The following STXBP4 variants were observed in gnomAD, a reference collection of about 807,000 sequenced individuals.
STXBP4 encodes syntaxin-binding protein 4.
Under a neutral mutation model 76.1 loss-of-function variants are expected in STXBP4, and 55 were observed. The observed-to-expected ratio is 0.72, with a 90% CI of 0.58 to 0.91. The LOEUF (loss-of-function observed/expected upper bound fraction) is 0.91, where lower values mean the gene tolerates loss of function less well. STXBP4 is among the 40% of genes least tolerant of loss of function. The pLI is 0.00. For missense variants in STXBP4, 618 were observed against 636.9 expected, an observed-to-expected ratio of 0.97 and a Z score of 0.32; for synonymous variants, 201 against 220.2, an observed-to-expected ratio of 0.91 and a Z score of 0.77.
intron 16 of STXBP4, among the ~76,000 whole-genome samples, chr17:55,115,173 T>C (rs2079766926): frequency 6.6e-6 from 1 of 151,832 alleles, no homozygotes; most frequent in African/African-American, 2.4e-5. Flanking sequence ...AATGGCGAAT[T>C]GACATTAACT....
intron 16 of STXBP4, among the ~76,000 whole-genome samples, chr17:55,114,765 C>T (rs1173644868): frequency 1.3e-5 from 2 of 151,880 alleles, no homozygotes; most frequent in South Asian, 2.1e-4. Flanking sequence ...GAATACCTTC[C>T]CTCTTAGCTT....
At position 55,042,635 on chromosome 17, in the gene STXBP4, A is replaced by T. The variant is rs527697730; in HGVS notation, c.856-601A>T. On this transcript the variant is annotated intron_variant, in intron 10 of 17. Coordinates refer to ENST00000376352, the MANE Select transcript of STXBP4 (RefSeq NM_178509.6). ...ATTGTAATTGACGGTCAGAGACATC[A>T]TGCTAGATGTACGAGATATGGTCAT... Among the ~76,000 whole-genome samples the T allele has an allele frequency of 3.9e-4, 60 of 152,206 alleles. 1 individual carries two copies. Among genetic ancestry groups the T allele is most frequent in the African/African-American group, 1.4e-3 (59 of 41,572 alleles).
intron 12 of STXBP4, among the ~76,000 whole-genome samples, chr17:55,060,468 T>C (rs762348144): frequency 3.4e-4 from 52 of 152,144 alleles, no homozygotes; most frequent in Admixed American, 1.6e-3. Flanking sequence ...TGATATCCTT[T>C]TGAAGATCTT....
intron 16 of STXBP4, among the ~76,000 whole-genome samples, chr17:55,121,861 G>T (rs1190775689): frequency 1.3e-5 from 2 of 151,936 alleles, no homozygotes; most frequent in Non-Finnish European, 2.9e-5. Context: ...CCTTCAATAC[G>T]AATATGTTGC....
the STXBP4 span, among the ~76,000 whole-genome samples, chr17:55,204,013 C>T: frequency 6.6e-6 from 1 of 152,048 alleles, no homozygotes; most frequent in Non-Finnish European, 1.5e-5. Context: ...TGGAAAATCT[C>T]ATCCAATATC....
rs1259884895 is a variant in STXBP4 at position 55,036,436 on chromosome 17, G to A, written c.855+2177G>A. Among the ~76,000 whole-genome samples the A allele has an allele frequency of 3.3e-5, 5 of 151,032 alleles. No individual in the cohort carries two copies. In the South Asian group the frequency reaches 6.3e-4, roughly 19 times the overall value. ...CTTTTTGTTGCCATTAAAATTAATG[G>A]TATCTTTTAAAAATTTGTTTCATTT... On this transcript the variant is annotated intron_variant, in intron 10 of 17. Transcript: ENST00000376352.
At chr17:55,205,601 A>G in the STXBP4 span, among the ~76,000 whole-genome samples, 1 of 152,064 alleles carries the variant, frequency 6.6e-6, no homozygotes, top group Non-Finnish European at 1.5e-5. Context: ...ACAGGTGAAG[A>G]GACAATTTAC....
At chr17:55,201,615 G>A in the STXBP4 span, among the ~76,000 whole-genome samples, 1 of 152,140 alleles carries the variant, frequency 6.6e-6, no homozygotes, top group Non-Finnish European at 1.5e-5. Context: ...AGCATGCCTA[G>A]GAAATTTGAA....
At chr17:55,205,562 AAC>A in the STXBP4 span, among the ~76,000 whole-genome samples, 2 of 146,546 alleles carry the variant, frequency 1.4e-5, no homozygotes, top group African/African-American at 4.9e-5. Context: ...CACACACACA[AAC>A]ACACACACAC....
chr17:55,056,134 A>C (rs1004810037), intron 12 of STXBP4, among the ~76,000 whole-genome samples: 1 of 152,238 alleles, frequency 6.6e-6, no homozygotes, highest in Non-Finnish European at 1.5e-5. Flanking sequence ...ATATATTGCT[A>C]TATTTTCTAA....
intron 8 of STXBP4, among the ~76,000 whole-genome samples, chr17:55,022,643 G>T (rs1437903924): frequency 6.6e-6 from 1 of 152,190 alleles, no homozygotes; most frequent in Non-Finnish European, 1.5e-5. Flanking sequence ...GATAGTCACG[G>T]AAGAGCTGTC....
intron 8 of STXBP4, among the ~76,000 whole-genome samples, chr17:55,015,917 T>A (rs1301554461): frequency 6.6e-6 from 1 of 152,228 alleles, no homozygotes; most frequent in East Asian, 1.9e-4. Context: ...AGCTGTAAGA[T>A]GGTGTTATAA....
chr17:55,018,126 A>G (rs1485180303), intron 8 of STXBP4, among the ~76,000 whole-genome samples: 1 of 152,076 alleles, frequency 6.6e-6, no homozygotes, highest in Non-Finnish European at 1.5e-5. Flanking sequence ...ATCTTGAGCC[A>G]TGTGGTGAGT....
At chr17:55,047,229 G>A (rs926510873) in intron 12 of STXBP4, 75 bp downstream of exon 12, 3 of 813,472 alleles carry the variant, frequency 3.7e-6, no homozygotes, top group South Asian at 2.0e-5. Context: ...AACATATGAG[G>A]TATAATTATA....
intron 17 of STXBP4, among the ~76,000 whole-genome samples, chr17:55,155,386 G>A (rs78749624): frequency 0.02 from 3,111 of 151,996 alleles, 77 homozygotes; most frequent in East Asian, 0.15. Context: ...TGCAGTTTAT[G>A]CCCAGTTGTA....
rs563410294 is a variant in STXBP4 at position 55,023,623 on chromosome 17, A to T, written c.667-7545A>T. ...CGGATTTTTGGATTAGAGATGCTAA[A>T]CCTGTATATAGAAACAATGAATAAA... is the stretch of plus-strand genomic sequence containing the variant. On this transcript the variant is annotated intron_variant, in intron 8 of 17. Transcript: ENST00000376352. 3.3e-5 allele frequency among the ~76,000 whole-genome samples: 5 copies of T among 152,278 alleles called. No homozygotes were observed. In the South Asian group the frequency reaches 8.3e-4, roughly 25 times the overall value.
chr17:55,174,152 C>T (rs1304954946), downstream of STXBP4, among the ~76,000 whole-genome samples: 1 of 152,222 alleles, frequency 6.6e-6, no homozygotes, highest in Non-Finnish European at 1.5e-5. Context: ...ATCACATCTG[C>T]AAAATCCCTT....
At chr17:55,000,348 C>A in intron 6 of STXBP4, 3 of 725,012 alleles carry the variant, frequency 4.1e-6, no homozygotes, top group South Asian at 6.2e-5. Context: ...AATTAACATA[C>A]TCAATTACTA....
At chr17:55,000,934 CAAT>C in intron 7 of STXBP4, 51 bp downstream of exon 7, 1 of 1,235,104 alleles carries the variant, frequency 8.1e-7, no homozygotes, top group Non-Finnish European at 1.2e-6. Context: ...AATTCTCTCT[CAAT>C]GAGGAGTGTG....
Sources: allele counts gnomAD v4.1 joint callset (sites outside exome capture counted in the v4.1 genomes callset), GRCh38; gene constraint gnomAD v4.1.1; transcripts MANE v1.5; gene names NCBI Gene and HGNC (gene_info 2026-07-23, HGNC 2026-07-21).